The following OS9 variants were observed in gnomAD, a reference collection of about 807,000 sequenced individuals.
The protein encoded by OS9 is OS9 endoplasmic reticulum lectin, also known as protein OS-9.
In OS9, 58 loss-of-function variants were observed where a neutral mutation model predicts 84.7. The ratio of observed to expected loss-of-function variants is 0.68; its 90% CI spans 0.55 to 0.85. OS9 has a LOEUF of 0.85. Among genes scored for constraint, OS9 ranks in the 40% least tolerant of loss-of-function variants. The pLI is 0.00. For missense variants in OS9, 760 were observed against 850.9 expected (o/e 0.89, Z 1.33); for synonymous variants, 278 against 320.8 (o/e 0.87, Z 1.43).
In OS9 at chr12:57,715,879, C is replaced by T. The variant is rs1239674148; in HGVS notation, c.699C>T (p.Leu233=). 3 of 1,613,422 alleles carry T rather than the reference C, an allele frequency of 1.9e-6. No individual in the cohort carries two copies. The highest frequency in any genetic ancestry group is 2.5e-6 in the Non-Finnish European group (3 of 1,179,714). The change falls in exon 6 of 15, where the codon CTC becomes CTT. Residue 233 remains leucine, a synonymous_variant. Transcript: ENST00000315970. ...RTPRLCPHPL[L]RPPPSAAPQA... The stretch of plus-strand genomic sequence containing the variant: ...CTCGGCTCTGCCCCCACCCTCTCCT[C>T]CGGCCCCCACCCAGTGCTGCACCGC...
At chr12:57,706,646 G>A (rs1954176454) in intron 5 of OS9, among the ~76,000 whole-genome samples, 1 of 151,822 alleles carries the variant, frequency 6.6e-6, no homozygotes, top group African/African-American at 2.4e-5. Context: ...GAGCCTAGGA[G>A]CCCAGCCTGA....
intron 5 of OS9, among the ~76,000 whole-genome samples, chr12:57,705,617 C>T (rs145445670): frequency 1.1e-3 from 160 of 152,232 alleles, no homozygotes; most frequent in African/African-American, 3.7e-3. Context: ...GCCTCTGCCT[C>T]CCAGGTTCAA....
At position 57,718,027 on chromosome 12, in the gene OS9, A is replaced by G. The variant is rs2140334835; in HGVS notation, c.1134+69A>G. 6 of 1,531,758 alleles carry G rather than the reference A, an allele frequency of 3.9e-6. 1 individual carries two copies. In the Admixed American group the frequency reaches 9.1e-5, roughly 23 times the overall value. The allele number at this position is 1,531,758 out of a possible 1,614,324, so 94.9% of individuals were successfully genotyped here. On this transcript the variant is annotated intron_variant, in intron 10 of 14. Coordinates refer to ENST00000315970, the MANE Select transcript of OS9 (RefSeq NM_006812.4). ...TGCGAGCATTTGAAAAACTACCCTG[A>G]CCTGGGACTCAACTCCTGGGTCCCC...
intron 5 of OS9, 189 bp from the exon 6 acceptor site, chr12:57,715,571 G>A (rs1595060632): frequency 6.0e-6 from 3 of 497,820 alleles, no homozygotes; most frequent in East Asian, 6.5e-5. Context: ...CTTGAGGCAC[G>A]AAGTTGAGAA....
intron 5 of OS9, among the ~76,000 whole-genome samples, chr12:57,696,849 C>T (rs1953863409): frequency 6.6e-6 from 1 of 151,926 alleles, no homozygotes; most frequent in Admixed American, 6.6e-5. Context: ...GGCACGGTGG[C>T]TCACGCCTGT....
At chr12:57,696,671 C>T (rs1489167071) in intron 5 of OS9, among the ~76,000 whole-genome samples, 1 of 152,032 alleles carries the variant, frequency 6.6e-6, no homozygotes, top group Non-Finnish European at 1.5e-5. Context: ...TAGCGGGTGC[C>T]TATAGGCCCA....
Position 57,720,116 on chromosome 12 carries a change from A to AGAGTCC in OS9, c.1620_1625dup (p.Arg544_Val545dup). The AGAGTCC allele has an allele frequency of 6.2e-7, 1 of 1,613,872 alleles. No homozygotes were observed. Among genetic ancestry groups the AGAGTCC allele is most frequent in the East Asian group, 2.2e-5 (1 of 44,872 alleles). ...CCTCTAAGAGGAGGATCCTGAGCAC[A>AGAGTCC]GAGTCCGGGTCCGGGTCACCAAGCT... On this transcript the variant is annotated inframe_insertion, in exon 13 of 15. Coordinates refer to ENST00000315970, the MANE Select transcript of OS9 (RefSeq NM_006812.4).
Position 57,717,912 on chromosome 12 carries a change from C to T in OS9, c.1088C>T (p.Ala363Val), listed in dbSNP as rs146507872. Residue 363 changes from alanine to valine, a missense_variant, in exon 10 of 15, where the codon GCG becomes GTG. Physicochemically the swap from Ala to Val is moderately conservative, Grantham distance 64 (BLOSUM62 0). Transcript: ENST00000315970. ...CAGGTCAAAGTCATTCGAAGCCCTG[C>T]GGATTTGATTCGATTCATAGAGGAG... ...NVQVKVIRSP[A>V]DLIRFIEELK... The T allele has an allele frequency of 1.7e-5, 27 of 1,612,310 alleles. No individual in the cohort carries two copies. The African/African-American group carries it at 2.1e-4, about 13-fold the overall frequency.
intron 5 of OS9, among the ~76,000 whole-genome samples, chr12:57,709,533 G>T (rs893762423): frequency 6.6e-6 from 1 of 152,066 alleles, no homozygotes; most frequent in Non-Finnish European, 1.5e-5. Context: ...TCTTTTTGAT[G>T]AATTTTTAAA....
rs1954561897 is a variant in OS9, at chr12:57,718,135, T to C, written c.1135-11T>C. On this transcript the variant is annotated splice_polypyrimidine_tract_variant and intron_variant, in intron 10 of 14. Transcript: ENST00000315970. ...CCCAACTGTCTTTCTCCCCACTCCC[T>C]ACCCACCCAGGGGAAGCCAAATATA... 1 of 1,611,306 alleles carries C rather than the reference T, an allele frequency of 6.2e-7. No individual in the cohort carries two copies. The highest frequency in any genetic ancestry group is 2.2e-5 in the East Asian group (1 of 44,844).
At position 57,696,664 on chromosome 12, in the gene OS9, C is replaced by T. The variant is rs568371602; in HGVS notation, c.579+291C>T. ...TACAAAAATTAGCCGGGCGTGGTAGCGGGTGCCTATAGGCCCAGCTACTCG... is the reference window on the plus strand; with the variant it reads ...TACAAAAATTAGCCGGGCGTGGTAGTGGGTGCCTATAGGCCCAGCTACTCG... On this transcript the variant is annotated intron_variant, in intron 5 of 14. Transcript: ENST00000315970. Among the ~76,000 whole-genome samples the T allele has an allele frequency of 1.7e-4, 26 of 152,134 alleles. No individual in the cohort carries two copies. The South Asian group carries it at 3.1e-3, about 18-fold the overall frequency.
chr12:57,695,223 C>G (rs1012517793), intron 2 of OS9: 7 of 448,936 alleles, frequency 1.6e-5, no homozygotes, highest in African/African-American at 1.4e-4. Context: ...AAAGTCACCC[C>G]CTGCCCTATC....
In OS9 at chr12:57,720,875, A is replaced by C; in HGVS notation, c.1970A>C (p.Glu657Ala). Residue 657 changes from glutamate to alanine, a missense_variant, in exon 15 of 15, where the codon GAG becomes GCG. Transcript: ENST00000315970. ...CGGGTGTGGGGCTCTCCAGGTGGGG[A>C]GGGCACAGGGGACCTGGACGAATTT... Reference protein sequence around the residue: ...YRRVWGSPGGEGTGDLDEFDF With the variant: ...YRRVWGSPGGAGTGDLDEFDF The C allele has an allele frequency of 6.2e-7, 1 of 1,614,110 alleles. No homozygotes were observed. The highest frequency in any genetic ancestry group is 8.5e-7 in the Non-Finnish European group (1 of 1,179,978).
chr12:57,700,080 G>A (rs1401177095), intron 5 of OS9, among the ~76,000 whole-genome samples: 20 of 151,902 alleles, frequency 1.3e-4, no homozygotes, highest in Non-Finnish European at 2.9e-4. Flanking sequence ...GGGTGACAGA[G>A]TGAGACTGTC....
chr12:57,711,338 CTTTTTTTTTTTT>C (rs34817746), intron 5 of OS9, among the ~76,000 whole-genome samples: 2 of 63,538 alleles, frequency 3.1e-5, no homozygotes, highest in African/African-American at 1.3e-4. Context: ...GGCAGTATAT[CTTTTTTTTTTTT>C]TTTTTTTTTT....
chr12:57,720,036 C>A, intron 12 of OS9, 63 bp from the exon 13 acceptor site: 1 of 1,497,950 alleles, frequency 6.7e-7, no homozygotes, highest in South Asian at 1.2e-5. Context: ...AGATGACCCC[C>A]ACACCCCTAA....
intron 1 of OS9, 123 bp from the exon 2 acceptor site, chr12:57,694,627 G>A (rs1054289654): frequency 1.0e-6 from 1 of 995,946 alleles, no homozygotes; most frequent in South Asian, 1.4e-5. Context: ...ACAGCTGGAG[G>A]GCTTATGGCT....
chr12:57,709,254 C>T (rs1008803984), intron 5 of OS9, among the ~76,000 whole-genome samples: 8 of 152,136 alleles, frequency 5.3e-5, no homozygotes, highest in South Asian at 2.1e-4. Context: ...ACTTCTTCAG[C>T]GAAATGCTTT....
intron 5 of OS9, among the ~76,000 whole-genome samples, chr12:57,712,099 C>A (rs1314977686): frequency 6.6e-6 from 1 of 152,104 alleles, no homozygotes; most frequent in African/African-American, 2.4e-5. Flanking sequence ...GGATGGTATT[C>A]CTGTTCTCTA....
Sources: gnomAD v4.1 joint callset for allele counts (sites outside exome capture counted in the v4.1 genomes callset) on GRCh38, gnomAD v4.1.1 for gene constraint, MANE v1.5 for transcripts, NCBI Gene and HGNC (gene_info 2026-07-23, HGNC 2026-07-21) for gene names.